The following MGMT variants were observed in gnomAD, a reference collection of about 807,000 sequenced individuals.
MGMT encodes O-6-methylguanine-DNA methyltransferase, also known as methylated-DNA--protein-cysteine methyltransferase.
A neutral mutation model predicts 15.9 loss-of-function variants in MGMT; 14 were observed. The observed-to-expected ratio is 0.88, with a 90% CI of 0.58 to 1.37. The LOEUF (loss-of-function observed/expected upper bound fraction) is 1.37. Ranked by LOEUF, MGMT falls within the 40% of genes most tolerant of loss-of-function variation. The pLI, the probability that MGMT is intolerant of heterozygous loss-of-function variation, is 0.00. For synonymous variants in MGMT, 130 were observed against 118.2 expected (o/e 1.10, Z -0.65); for missense variants, 282 against 268.1 (o/e 1.05, Z -0.36).
At chr10:129,472,395 G>A (rs1845241788) in intron 1 of MGMT, among the ~76,000 whole-genome samples, 1 of 151,884 alleles carries the variant, frequency 6.6e-6, no homozygotes, top group Non-Finnish European at 1.5e-5. Flanking sequence ...CCACTACATG[G>A]ATAGAAATTT....
At chr10:129,510,524 G>A (rs1845670431) in intron 1 of MGMT, among the ~76,000 whole-genome samples, 1 of 152,144 alleles carries the variant, frequency 6.6e-6, no homozygotes, top group Admixed American at 6.5e-5. Flanking sequence ...GGAAATTATG[G>A]CTGACAGATC....
At chr10:129,707,839 C>G (rs563893400) in intron 2 of MGMT, 56 bp from the exon 3 acceptor site, 1 of 1,604,148 alleles carries the variant, frequency 6.2e-7, no homozygotes, top group African/African-American at 1.3e-5. Context: ...TTTGCTTTTC[C>G]GATGTGTGGA....
intron 1 of MGMT, among the ~76,000 whole-genome samples, chr10:129,503,406 G>A (rs1367284458): frequency 6.6e-6 from 1 of 152,182 alleles, no homozygotes; most frequent in African/African-American, 2.4e-5. Context: ...AATGATAAAG[G>A]TAATTGCACA....
chr10:129,743,538 C>CCCATTGT (rs1554883088), intron 3 of MGMT, among the ~76,000 whole-genome samples: 2 of 152,120 alleles, frequency 1.3e-5, no homozygotes, highest in Non-Finnish European at 2.9e-5. Flanking sequence ...TCTGTCCCTG[C>CCCATTGT]CCATTGTCCG....
intron 2 of MGMT, among the ~76,000 whole-genome samples, chr10:129,576,474 A>G (rs1480441781): frequency 6.6e-6 from 1 of 152,250 alleles, no homozygotes; most frequent in East Asian, 1.9e-4. Context: ...GACCTTTGAC[A>G]AAATTCAACA....
intron 1 of MGMT, among the ~76,000 whole-genome samples, chr10:129,508,787 T>A (rs1044963798): frequency 6.6e-6 from 1 of 152,090 alleles, no homozygotes; most frequent in Non-Finnish European, 1.5e-5. Flanking sequence ...TCGCAGGTGA[T>A]CCACCCGTCT....
chr10:129,486,024 A>G (rs1486723755), intron 1 of MGMT, among the ~76,000 whole-genome samples: 1 of 152,232 alleles, frequency 6.6e-6, no homozygotes, highest in Non-Finnish European at 1.5e-5. Context: ...ATTTAAGTTC[A>G]TCTACCTTAT....
intron 3 of MGMT, among the ~76,000 whole-genome samples, chr10:129,736,920 A>C (rs1265336907): frequency 1.3e-5 from 2 of 152,202 alleles, no homozygotes; most frequent in Non-Finnish European, 2.9e-5. Flanking sequence ...AGTTTCTGCC[A>C]AGAGATCTGC....
rs991757321 is a variant in MGMT at position 129,556,551 on chromosome 10, C to A, written c.125+20174C>A. ...CAGCCCTGGCGGAAGAACGCAGCCT[C>A]GTCGGTGGGTTTGGTGATGCTGTGC... On this transcript the variant is annotated intron_variant, in intron 2 of 4. Coordinates refer to ENST00000651593, the MANE Select transcript of MGMT (RefSeq NM_002412.5). This position sits in a 1 kb window ranked among gnomAD's most constrained non-coding sequence, Gnocchi z 4.3. Among the ~76,000 whole-genome samples, 3 of 152,176 alleles carry A rather than the reference C, an allele frequency of 2.0e-5. No homozygotes were observed. The highest frequency in any genetic ancestry group is 7.2e-5 in the African/African-American group (3 of 41,450).
intron 2 of MGMT, among the ~76,000 whole-genome samples, chr10:129,561,678 A>T (rs1356480705): frequency 1.3e-5 from 2 of 152,190 alleles, no homozygotes; most frequent in African/African-American, 4.8e-5. Flanking sequence ...ACCGAGACAC[A>T]GTTTATTGGA....
At chr10:129,546,045 C>T (rs781634455) in intron 2 of MGMT, among the ~76,000 whole-genome samples, 5 of 152,200 alleles carry the variant, frequency 3.3e-5, no homozygotes, top group East Asian at 1.9e-4. Flanking sequence ...GTACAAGTGA[C>T]GGAAGTGGGT....
Position 129,536,408 on chromosome 10 carries a change from C to T in MGMT, c.125+31C>T, listed in dbSNP as rs2308325. 9.2e-3 allele frequency: 14,722 copies of T among 1,596,006 alleles called. 98 individuals carry two copies. Among genetic ancestry groups the T allele is most frequent in the African/African-American group, 0.024 (1,807 of 73,762 alleles). ...TATGAGCCCACGTGATCCTGTATACCGCACATGCTGAAGCAACCGAGGAGT... is the reference window on the plus strand; with the variant it reads ...TATGAGCCCACGTGATCCTGTATACTGCACATGCTGAAGCAACCGAGGAGT... On this transcript the variant is annotated intron_variant, in intron 2 of 4. Coordinates refer to ENST00000651593, the MANE Select transcript of MGMT (RefSeq NM_002412.5).
intron 4 of MGMT, among the ~76,000 whole-genome samples, chr10:129,764,526 A>G (rs994071456): frequency 6.6e-6 from 1 of 152,214 alleles, no homozygotes; most frequent in African/African-American, 2.4e-5. Flanking sequence ...GAGCTTGGAG[A>G]TGCTGGGCAC....
chr10:129,474,464 G>A (rs1845267366), intron 1 of MGMT, among the ~76,000 whole-genome samples: 2 of 152,174 alleles, frequency 1.3e-5, no homozygotes, highest in East Asian at 1.9e-4. Context: ...TGAGAGAGAC[G>A]AAAGCCTTGG....
At chr10:129,518,480 TC>T (rs1190678259) in intron 1 of MGMT, among the ~76,000 whole-genome samples, 14 of 53,812 alleles carry the variant, frequency 2.6e-4, no homozygotes, top group South Asian at 1.2e-3. Flanking sequence ...CTGCCCCTCC[TC>T]CCCTCCCTTC....
At chr10:129,525,263 A>C (rs560270864) in intron 1 of MGMT, among the ~76,000 whole-genome samples, 29 of 152,318 alleles carry the variant, frequency 1.9e-4, no homozygotes, top group Middle Eastern at 6.8e-3. Context: ...TATATGTACC[A>C]AAGAGAAGAG....
intron 1 of MGMT, among the ~76,000 whole-genome samples, chr10:129,512,586 A>G (rs1845695989): frequency 6.6e-6 from 1 of 152,118 alleles, no homozygotes; most frequent in Non-Finnish European, 1.5e-5. Context: ...GAGAAGAGGA[A>G]AGTGAGTGCC....
chr10:129,737,032 G>A (rs2133167646), intron 3 of MGMT, among the ~76,000 whole-genome samples: 1 of 152,148 alleles, frequency 6.6e-6, no homozygotes, highest in South Asian at 2.1e-4. Flanking sequence ...TGACAATTAT[G>A]TGTCTTGGAG....
chr10:129,666,504 T>G (rs1052834773), intron 2 of MGMT, among the ~76,000 whole-genome samples: 1 of 152,186 alleles, frequency 6.6e-6, no homozygotes, highest in African/African-American at 2.4e-5. Context: ...AGTTTAGCCA[T>G]ATATATTTTT....
Sources: gnomAD v4.1 joint callset for allele counts (sites outside exome capture counted in the v4.1 genomes callset) on GRCh38, gnomAD v4.1.1 for gene constraint, Gnocchi (gnomAD v3.1) non-coding constraint, MANE v1.5 for transcripts, NCBI Gene and HGNC (gene_info 2026-07-23, HGNC 2026-07-21) for gene names.